Variants in RPS6KA2 observed in about 807,000 individuals in gnomAD.
RPS6KA2 encodes ribosomal protein S6 kinase A2, also known as ribosomal protein S6 kinase alpha-2.
Under a neutral mutation model 91.8 loss-of-function variants are expected in RPS6KA2, and 42 were observed. The ratio of observed to expected loss-of-function variants is 0.46; its 90% CI spans 0.36 to 0.59. The LOEUF (loss-of-function observed/expected upper bound fraction) is 0.59. Among genes scored for constraint, RPS6KA2 ranks in the 20% least tolerant of loss-of-function variants. RPS6KA2 has a pLI of 0.00. For synonymous variants in RPS6KA2, 414 were observed against 393.6 expected, an observed-to-expected ratio of 1.05 and a Z score of -0.61; for missense variants, 798 against 978.5, an observed-to-expected ratio of 0.82 and a Z score of 2.46.
At position 166,819,243 on chromosome 6, in the gene RPS6KA2, T is replaced by A. The variant is rs181234472; in HGVS notation, c.123+38957A>T. 9.2e-5 allele frequency among the ~76,000 whole-genome samples: 14 copies of A among 152,344 alleles called. No homozygotes were observed. The East Asian group carries it at 1.2e-3, about 13-fold the overall frequency. Reference sequence around the variant, plus strand: ...TCTATGTGTTGGTTTTTTGTTTGTTTATTTTGTTTTGTTTTTACAAGGTAA... The same window carrying A: ...TCTATGTGTTGGTTTTTTGTTTGTTAATTTTGTTTTGTTTTTACAAGGTAA... On this transcript the variant is annotated intron_variant, in intron 2 of 21. Transcript: ENST00000503859.
chr6:166,797,832 C>T (rs1779263506), intron 2 of RPS6KA2, among the ~76,000 whole-genome samples: 1 of 151,978 alleles, frequency 6.6e-6, no homozygotes, highest in Non-Finnish European at 1.5e-5. Context: ...AATTTAAGCA[C>T]AGAGGTGATT....
chr6:166,700,019 G>GTTT (rs1340196037), intron 2 of RPS6KA2, among the ~76,000 whole-genome samples: 1 of 152,208 alleles, frequency 6.6e-6, no homozygotes, highest in Non-Finnish European at 1.5e-5. Context: ...TAAGCATCCT[G>GTTT]TAAGACAAGC....
chr6:166,722,896 G>C (rs892446770), intron 2 of RPS6KA2, among the ~76,000 whole-genome samples: 5 of 152,072 alleles, frequency 3.3e-5, no homozygotes, highest in Non-Finnish European at 7.4e-5. Context: ...TCTTTGCACA[G>C]CTCCCTCTCC....
rs1283289603 is a variant in RPS6KA2 at position 166,767,660 on chromosome 6, C to T, written c.123+90540G>A. 6.6e-6 allele frequency among the ~76,000 whole-genome samples: 1 copy of T among 152,160 alleles called. No homozygotes were observed. Among genetic ancestry groups the T allele is most frequent in the East Asian group, 1.9e-4 (1 of 5,194 alleles). On this transcript the variant is annotated intron_variant, in intron 2 of 21. Coordinates refer to the RPS6KA2 transcript ENST00000503859. The surrounding 1 kb of genome is among the most constrained non-coding windows in gnomAD (Gnocchi z 4.6). The stretch of plus-strand genomic sequence containing the variant: ...CCCCGCACTGCAGCTCCCTAAGTTG[C>T]TTTGCAAAGGACTGAGTTTGGGTCA...
At chr6:166,801,615 G>A (rs1187686171) in intron 2 of RPS6KA2, among the ~76,000 whole-genome samples, 1 of 152,158 alleles carries the variant, frequency 6.6e-6, no homozygotes, top group African/African-American at 2.4e-5. Flanking sequence ...CCAAAGTGCA[G>A]GGATTACAGG....
In RPS6KA2 at chr6:166,693,462, G is replaced by A. The variant is rs184227237; in HGVS notation, c.124-154678C>T. Among the ~76,000 whole-genome samples, 225 of 152,288 alleles carry A rather than the reference G, an allele frequency of 1.5e-3. 1 individual carries two copies. Among genetic ancestry groups the A allele is most frequent in the Non-Finnish European group, 2.3e-3 (157 of 68,022 alleles). Reference sequence around the variant, plus strand: ...AATGGAAAAAAGGAGCGTCTCAGCCGTGCACTCAGGGTCCTGCGCCTCCAT... The same window carrying A: ...AATGGAAAAAAGGAGCGTCTCAGCCATGCACTCAGGGTCCTGCGCCTCCAT... On this transcript the variant is annotated intron_variant, in intron 2 of 21. Coordinates refer to the RPS6KA2 transcript ENST00000503859.
intron 2 of RPS6KA2, among the ~76,000 whole-genome samples, chr6:166,682,173 C>A (rs1006095627): frequency 6.6e-6 from 1 of 152,142 alleles, no homozygotes; most frequent in African/African-American, 2.4e-5. Context: ...AAATTACAGG[C>A]AATAAAATGT....
chr6:166,605,617 A>G (rs1044723546), intron 1 of RPS6KA2, among the ~76,000 whole-genome samples: 1 of 152,248 alleles, frequency 6.6e-6, no homozygotes. Context: ...ATATTAGAAC[A>G]ATAAATTAAC....
Position 166,770,540 on chromosome 6 carries a change from A to T in RPS6KA2, c.123+87660T>A, listed in dbSNP as rs756636566. 3.9e-5 allele frequency among the ~76,000 whole-genome samples: 6 copies of T among 152,204 alleles called. No individual in the cohort carries two copies. Among genetic ancestry groups the T allele is most frequent in the Non-Finnish European group, 8.8e-5 (6 of 68,044 alleles). ...GTCGTAGTTTTAAAAGGAATATTGG[A>T]CATAAAGTGATGCAGAGATTCAGAA... is the stretch of plus-strand genomic sequence containing the variant. On this transcript the variant is annotated intron_variant, in intron 2 of 21. Transcript: ENST00000503859. This position sits in a 1 kb window ranked among gnomAD's most constrained non-coding sequence, Gnocchi z 5.1.
intron 19 of RPS6KA2, among the ~76,000 whole-genome samples, chr6:166,417,078 G>A (rs991412286): frequency 3.3e-5 from 5 of 152,200 alleles, no homozygotes; most frequent in African/African-American, 1.2e-4. Flanking sequence ...TTGGATTAGA[G>A]AGGAATTTGA....
At chr6:166,759,624 C>T (rs1778113194) in intron 2 of RPS6KA2, among the ~76,000 whole-genome samples, 1 of 152,214 alleles carries the variant, frequency 6.6e-6, no homozygotes, top group African/African-American at 2.4e-5. Context: ...TTAAAACAAT[C>T]CCAGTTCTAT....
At chr6:166,498,384 C>T in intron 8 of RPS6KA2, 124 bp downstream of exon 8, 3 of 1,116,600 alleles carry the variant, frequency 2.7e-6, no homozygotes, top group Non-Finnish European at 3.6e-6. Context: ...GGACACTTGC[C>T]CAGTGTCCCA....
At position 166,437,030 on chromosome 6, in the gene RPS6KA2, AT is replaced by A. The variant is rs1214376614; in HGVS notation, c.1333-4541del. 8.3e-3 allele frequency among the ~76,000 whole-genome samples: 1,219 copies of A among 147,308 alleles called. 14 individuals carry two copies. The highest frequency in any genetic ancestry group is 0.028 in the African/African-American group (1,131 of 40,538). Reference sequence around the variant, plus strand: ...CCCTGTAACTTTTTCTGAAAAAAAAATTTTTTTTTTTTGCTTTTGTTTTTAT... The same window carrying A: ...CCCTGTAACTTTTTCTGAAAAAAAAATTTTTTTTTTTGCTTTTGTTTTTAT... On this transcript the variant is annotated intron_variant, in intron 14 of 20. Transcript: ENST00000265678. The surrounding 1 kb of genome is among the most constrained non-coding windows in gnomAD (Gnocchi z 4.3).
At chr6:166,859,684 T>C (rs764717401) in intron 1 of RPS6KA2, among the ~76,000 whole-genome samples, 5 of 152,208 alleles carry the variant, frequency 3.3e-5, no homozygotes, top group Non-Finnish European at 7.3e-5. Context: ...TTTAGTGTTC[T>C]CTAGTACAAT....
At chr6:166,450,342 C>G (rs1347361615) in intron 13 of RPS6KA2, among the ~76,000 whole-genome samples, 2 of 150,748 alleles carry the variant, frequency 1.3e-5, no homozygotes, top group Non-Finnish European at 3.0e-5. Flanking sequence ...CAGGGACCAC[C>G]ATGGGAGGCC....
chr6:166,816,511 C>T (rs1278947580), intron 2 of RPS6KA2, among the ~76,000 whole-genome samples: 6 of 151,046 alleles, frequency 4.0e-5, no homozygotes, highest in South Asian at 2.1e-4. Flanking sequence ...GCCGAGATCA[C>T]GCCACTGCAC....
rs978427416 is a variant in RPS6KA2 at position 166,494,460 on chromosome 6, C to T, written c.748-3719G>A. The stretch of plus-strand genomic sequence containing the variant: ...CTGAGGCGGGATGTCCAGAACATTC[C>T]GTGCCCGTGGTTAAGAAACGGGAGA... On this transcript the variant is annotated intron_variant, in intron 8 of 20. Transcript: ENST00000265678. This position sits in a 1 kb window ranked among gnomAD's most constrained non-coding sequence, Gnocchi z 5.1. Among the ~76,000 whole-genome samples the T allele has an allele frequency of 2.6e-5, 4 of 152,206 alleles. No individual in the cohort carries two copies. Among genetic ancestry groups the T allele is most frequent in the East Asian group, 3.8e-4 (2 of 5,208 alleles).
intron 2 of RPS6KA2, among the ~76,000 whole-genome samples, chr6:166,799,501 T>C (rs1562446139): frequency 1.3e-5 from 2 of 151,804 alleles, no homozygotes; most frequent in African/African-American, 2.4e-5. Context: ...TGGCATAATA[T>C]CCTAAAGGAG....
intron 2 of RPS6KA2, among the ~76,000 whole-genome samples, chr6:166,698,874 A>G (rs1789428895): frequency 6.6e-6 from 1 of 152,194 alleles, no homozygotes; most frequent in African/African-American, 2.4e-5. Flanking sequence ...TGTCAATTAG[A>G]AGTGATTAAG....
Sources: gnomAD v4.1 joint callset for allele counts (sites outside exome capture counted in the v4.1 genomes callset) on GRCh38, gnomAD v4.1.1 for gene constraint, Gnocchi (gnomAD v3.1) non-coding constraint, MANE v1.5 for transcripts, NCBI Gene and HGNC (gene_info 2026-07-23, HGNC 2026-07-21) for gene names.